SEL1L2: variants seen among roughly 807,000 people sequenced by gnomAD.
SEL1L2 encodes the protein protein sel-1 homolog 2.
A neutral mutation model predicts 98.8 loss-of-function variants in SEL1L2; 89 were observed. The ratio of observed to expected loss-of-function variants is 0.90; its 90% CI spans 0.76 to 1.07. The LOEUF (loss-of-function observed/expected upper bound fraction) is 1.07. Ranked by LOEUF, SEL1L2 falls within the 50% of genes least tolerant of loss-of-function variation. The probability of loss-of-function intolerance (pLI) is 0.00; values close to 1 mark genes in which losing one functional copy is unlikely to be tolerated. For synonymous variants in SEL1L2, 262 were observed against 278.5 expected (o/e 0.94, Z 0.59); for missense variants, 788 against 812.0 (o/e 0.97, Z 0.36).
At chr20:13,908,843 A>G (rs539160803) in intron 5 of SEL1L2, among the ~76,000 whole-genome samples, 1 of 152,340 alleles carries the variant, frequency 6.6e-6, no homozygotes, top group East Asian at 1.9e-4. Flanking sequence ...CTAAAGGTGC[A>G]TGAAAAGAAG....
chr20:13,849,369 C>G lies in SEL1L2; in HGVS notation c.*116G>C, dbSNP rs1409533405. 1 of 1,328,262 alleles carries G rather than the reference C, an allele frequency of 7.5e-7. No individual in the cohort carries two copies. Among genetic ancestry groups the G allele is most frequent in the African/African-American group, 1.4e-5 (1 of 69,178 alleles). The allele number at this position is 1,328,262 out of a possible 1,614,324, so 82.3% of individuals were successfully genotyped here. On this transcript the variant is annotated 3_prime_UTR_variant, in exon 20 of 20. Coordinates refer to ENST00000284951, the MANE Select transcript of SEL1L2 (RefSeq NM_025229.2). Reference sequence around the variant, plus strand: ...CCCAAGTCTTGTCTGTTTCCCATCACAGCCCTGAGCGGGAAACTGCAGCGG... The same window carrying G: ...CCCAAGTCTTGTCTGTTTCCCATCAGAGCCCTGAGCGGGAAACTGCAGCGG...
chr20:13,920,513 A>G (rs1475340289), intron 3 of SEL1L2, among the ~76,000 whole-genome samples: 2 of 152,190 alleles, frequency 1.3e-5, no homozygotes, highest in Non-Finnish European at 2.9e-5. Context: ...TTAAAGATAT[A>G]AAGATCCTTC....
intron 5 of SEL1L2, among the ~76,000 whole-genome samples, chr20:13,908,888 T>C (rs1440836458): frequency 6.6e-6 from 1 of 152,194 alleles, no homozygotes; most frequent in African/African-American, 2.4e-5. Context: ...CAGCTTCCCT[T>C]TGTACATACC....
intron 12 of SEL1L2, among the ~76,000 whole-genome samples, chr20:13,871,791 C>T (rs768959446): frequency 5.3e-5 from 8 of 152,090 alleles, no homozygotes; most frequent in South Asian, 2.1e-4. Flanking sequence ...GGATTACAGG[C>T]GTGAGACACC....
chr20:13,850,450 T>A (rs1405255269), intron 18 of SEL1L2, 131 bp from the exon 19 acceptor site: 1 of 958,680 alleles, frequency 1.0e-6, no homozygotes, highest in East Asian at 2.5e-5. Context: ...ATTATCCAAG[T>A]GGACCTCAGA....
intron 1 of SEL1L2, among the ~76,000 whole-genome samples, chr20:13,959,536 C>T (rs914197565): frequency 6.6e-6 from 1 of 152,224 alleles, no homozygotes; most frequent in African/African-American, 2.4e-5. Flanking sequence ...GCTCGTCGTA[C>T]AACCAAAGCT....
chr20:13,866,811 T>C lies in SEL1L2; in HGVS notation c.1295A>G (p.Lys432Arg), dbSNP rs753922969. 3.7e-6 allele frequency: 6 copies of C among 1,613,030 alleles called. No homozygotes were observed. Among genetic ancestry groups the C allele is most frequent in the Admixed American group, 1.7e-5 (1 of 59,834 alleles). ...GIWKDYKLAF[K>R]YFYLASQSGQ... ...ACTCTGAGATGCCAGGTAAAAATAT[T>C]TGAAGGCAAGTTTATAATCCTTCCA... Residue 432 changes from lysine (K) to arginine (R), a missense_variant, in exon 15 of 20, where the codon AAA becomes AGA. Physicochemically the swap from Lys to Arg is conservative, Grantham distance 26. Transcript: ENST00000284951.
intron 2 of SEL1L2, among the ~76,000 whole-genome samples, chr20:13,949,264 A>T (rs2050150739): frequency 6.6e-6 from 1 of 152,260 alleles, no homozygotes; most frequent in South Asian, 2.1e-4. Context: ...ATGCAAATGG[A>T]CATCAAGCCC....
At chr20:13,926,125 T>C (rs929944425) in intron 3 of SEL1L2, among the ~76,000 whole-genome samples, 8 of 152,154 alleles carry the variant, frequency 5.3e-5, no homozygotes, top group Non-Finnish European at 1.0e-4. Flanking sequence ...GAGACCATCC[T>C]GGCTAGTACG....
rs183630674 is a variant in SEL1L2, at chr20:13,949,088, C to G, written c.114+6988G>C. On this transcript the variant is annotated intron_variant, in intron 2 of 19. Coordinates refer to ENST00000284951, the MANE Select transcript of SEL1L2 (RefSeq NM_025229.2). ...TAAAACTCCTGTGTATGAAACGATA[C>G]TATCCACAGAGTGAAAAGACAACCC... is the stretch of plus-strand genomic sequence containing the variant. Among the ~76,000 whole-genome samples the G allele has an allele frequency of 3.1e-3, 470 of 152,288 alleles. 5 individuals are homozygous for G. The highest frequency in any genetic ancestry group is 0.01 in the African/African-American group (434 of 41,542).
At chr20:13,948,311 T>A (rs2050111262) in intron 2 of SEL1L2, among the ~76,000 whole-genome samples, 1 of 151,882 alleles carries the variant, frequency 6.6e-6, no homozygotes, top group East Asian at 1.9e-4. Flanking sequence ...TCCAAAACAA[T>A]CTTGAAAAAG....
chr20:13,958,171 C>A (rs562234918), intron 1 of SEL1L2, among the ~76,000 whole-genome samples: 2 of 152,230 alleles, frequency 1.3e-5, no homozygotes, highest in Non-Finnish European at 2.9e-5. Flanking sequence ...GTAACTATTT[C>A]ATTAATTGGT....
chr20:13,865,435 A>G lies in SEL1L2; in HGVS notation c.1484T>C (p.Ile495Thr), dbSNP rs1318861335. Residue 495 changes from isoleucine to threonine, a missense_variant, in exon 16 of 20, where the codon ATA becomes ACA. Coordinates refer to ENST00000284951, the MANE Select transcript of SEL1L2 (RefSeq NM_025229.2). ...TAYFAYKDGD[I>T]DSSLVQYALL... ...TGCATACTGAACAAGAGAAGAATCTATATCACCATCCTTATAGGCAAAGTA... is the reference window on the plus strand; with the variant it reads ...TGCATACTGAACAAGAGAAGAATCTGTATCACCATCCTTATAGGCAAAGTA... The G allele has an allele frequency of 3.7e-6, 6 of 1,614,028 alleles. No homozygotes were observed. Among genetic ancestry groups the G allele is most frequent in the Non-Finnish European group, 5.1e-6 (6 of 1,179,964 alleles).
chr20:13,967,081 C>T (rs1222589124), intron 1 of SEL1L2, among the ~76,000 whole-genome samples: 1 of 151,778 alleles, frequency 6.6e-6, no homozygotes, highest in Non-Finnish European at 1.5e-5. Context: ...GGGGGTTTCA[C>T]CATATTGACC....
At chr20:13,883,906 A>G (rs1335824303) in intron 10 of SEL1L2, among the ~76,000 whole-genome samples, 2 of 152,240 alleles carry the variant, frequency 1.3e-5, no homozygotes, top group African/African-American at 4.8e-5. Flanking sequence ...GCAGGCTGAA[A>G]TCTGACAGAG....
At chr20:13,907,242 A>G (rs2047973556) in intron 5 of SEL1L2, among the ~76,000 whole-genome samples, 1 of 152,174 alleles carries the variant, frequency 6.6e-6, no homozygotes, top group Non-Finnish European at 1.5e-5. Flanking sequence ...ACCCATGAAT[A>G]AAACATTTAG....
chr20:13,970,139 C>G (rs1339517269), intron 1 of SEL1L2, among the ~76,000 whole-genome samples: 1 of 151,414 alleles, frequency 6.6e-6, no homozygotes, highest in Non-Finnish European at 1.5e-5. Context: ...GCTGCTGGAT[C>G]TAAAATTTAA....
rs530046206 is a variant in SEL1L2, at chr20:13,870,798, C to T, written c.1105-595G>A. Among the ~76,000 whole-genome samples the T allele has an allele frequency of 1.6e-4, 24 of 152,014 alleles. No homozygotes were observed. The East Asian group carries it at 4.3e-3, about 27-fold the overall frequency. ...ATTAGCTGGGTGTGGTGGCACACACCTGTAATCCCAGCTACTTGGGAAGCT... is the reference window on the plus strand; with the variant it reads ...ATTAGCTGGGTGTGGTGGCACACACTTGTAATCCCAGCTACTTGGGAAGCT... On this transcript the variant is annotated intron_variant, in intron 12 of 19. Coordinates refer to ENST00000284951, the MANE Select transcript of SEL1L2 (RefSeq NM_025229.2).
chr20:13,885,502 A>C, intron 9 of SEL1L2, 99 bp from the exon 10 acceptor site: 1 of 811,372 alleles, frequency 1.2e-6, no homozygotes, highest in South Asian at 1.4e-5. Context: ...TGATTGTTGG[A>C]CACGTTTGAA....
Sources: allele counts gnomAD v4.1 joint callset (sites outside exome capture counted in the v4.1 genomes callset), GRCh38; gene constraint gnomAD v4.1.1; transcripts MANE v1.5; gene names NCBI Gene and HGNC (gene_info 2026-07-23, HGNC 2026-07-21).